Variants in STK40 observed in about 807,000 individuals in gnomAD.
STK40 encodes the protein serine/threonine-protein kinase 40.
Under a neutral mutation model 47.9 loss-of-function variants are expected in STK40, and 13 were observed. The ratio of observed to expected loss-of-function variants is 0.27; its 90% confidence interval spans 0.18 to 0.43. The LOEUF (loss-of-function observed/expected upper bound fraction) is 0.43, where lower values mean the gene tolerates loss of function less well. Among genes scored for constraint, STK40 ranks in the 20% least tolerant of loss-of-function variants. The pLI is 1.00. For synonymous variants in STK40, 225 were observed against 243.2 expected (o/e 0.93, Z 0.69); for missense variants, 460 against 595.1 (o/e 0.77, Z 2.36).
At chr1:36,382,335 A>G (rs1363651265) in intron 1 of STK40, among the ~76,000 whole-genome samples, 1 of 152,030 alleles carries the variant, frequency 6.6e-6, no homozygotes, top group Non-Finnish European at 1.5e-5. Flanking sequence ...GCGTATGACC[A>G]TGCCCAGCTA....
At position 36,354,305 on chromosome 1, in the gene STK40, A is replaced by G. The variant is rs2124733188; in HGVS notation, c.623+59T>C. The G allele has an allele frequency of 4.4e-6, 7 of 1,584,978 alleles. 1 individual carries two copies. Among genetic ancestry groups the G allele is most frequent in the East Asian group, 4.5e-5 (2 of 44,670 alleles). ...ACACTTCAGGGCACTGGAGAGTTGC[A>G]ATGTGTAGCCTGCCCCAGCCCCGGG... On this transcript the variant is annotated intron_variant, in intron 6 of 10. Transcript: ENST00000373132.
chr1:36,372,423 C>T lies in STK40; in HGVS notation c.-8-11083G>A, dbSNP rs78593922. Among the ~76,000 whole-genome samples, 43 of 39,604 alleles carry T rather than the reference C, an allele frequency of 1.1e-3. No individual in the cohort carries two copies. In the South Asian group the frequency reaches 0.037, roughly 34 times the overall value. The allele number at this position is 39,604 out of a possible 152,430, so 26.0% of individuals were successfully genotyped here. On this transcript the variant is annotated intron_variant, in intron 1 of 10. Coordinates refer to ENST00000373132, the MANE Select transcript of STK40 (RefSeq NM_001282547.2). ...TGGGGGACAGAGTGAGACCTTGTCT[C>T]AAAAAAAAAAAAAAAAAAAAAAAAA...
intron 1 of STK40, among the ~76,000 whole-genome samples, chr1:36,383,026 G>C (rs181024522): frequency 6.6e-6 from 1 of 152,074 alleles, no homozygotes; most frequent in Non-Finnish European, 1.5e-5. Flanking sequence ...TTGGTTCACC[G>C]CAACCTCCGC....
chr1:36,368,877 G>A (rs11588213), intron 1 of STK40, among the ~76,000 whole-genome samples: 29,552 of 152,196 alleles, frequency 0.19, 3,000 homozygotes, highest in Non-Finnish European at 0.23. Flanking sequence ...ACAGGAGAAT[G>A]CCCTTGTTCT....
rs1225249693 is a variant in STK40, at chr1:36,355,196, G to A, written c.570+10C>T. The A allele has an allele frequency of 3.7e-6, 6 of 1,612,558 alleles. No individual in the cohort carries two copies. In the African/African-American group the frequency reaches 4.0e-5, roughly 11 times the overall value. ...TGGCCAGAAGGCGCAGCAGCAGGGTGTGGCCTCACCTGGTGCAGGGCCTCC... is the reference window on the plus strand; with the variant it reads ...TGGCCAGAAGGCGCAGCAGCAGGGTATGGCCTCACCTGGTGCAGGGCCTCC... On this transcript the variant is annotated intron_variant, in intron 5 of 10. Transcript: ENST00000373132.
chr1:36,365,757 C>T (rs1646896518), intron 1 of STK40, among the ~76,000 whole-genome samples: 1 of 152,192 alleles, frequency 6.6e-6, no homozygotes, highest in African/African-American at 2.4e-5. Flanking sequence ...GTTAGTCTCA[C>T]TCATGGTGGT....
chr1:36,354,271 C>T, intron 6 of STK40, 93 bp downstream of exon 6: 1 of 1,404,264 alleles, frequency 7.1e-7, no homozygotes, highest in Non-Finnish European at 1.0e-6. Context: ...AGTCGGAATC[C>T]TCATGAGGAC....
chr1:36,348,153 A>G (rs902436547), intron 7 of STK40, among the ~76,000 whole-genome samples: 1 of 152,262 alleles, frequency 6.6e-6, no homozygotes, highest in African/African-American at 2.4e-5. Context: ...ACAAACTCAC[A>G]GCAGCACACT....
Position 36,343,869 on chromosome 1 carries a change from A to G in STK40, c.995T>C (p.Ile332Thr), listed in dbSNP as rs370782891. 1.3e-5 allele frequency: 20 copies of G among 1,594,802 alleles called. No individual in the cohort carries two copies. The highest frequency in any genetic ancestry group is 6.9e-5 in the Admixed American group (4 of 58,232). Residue 332 changes from isoleucine to threonine, a missense_variant, in exon 9 of 11, where the codon ATT (isoleucine) becomes ACT (threonine). Coordinates refer to ENST00000373132, the MANE Select transcript of STK40 (RefSeq NM_001282547.2). ...ADVLEALSAI[I>T]ASWQSLSSLS... ...GTGCCTGTCCACTTACCATGATGCA[A>G]TGATGGCACTGAGGGCCTCCAGGAC...
chr1:36,353,382 G>C (rs1209668934), intron 6 of STK40, among the ~76,000 whole-genome samples: 2 of 152,184 alleles, frequency 1.3e-5, no homozygotes, highest in Non-Finnish European at 2.9e-5. Flanking sequence ...TGAGACAGTG[G>C]TAGCACTGTC....
At chr1:36,368,616 T>G (rs1026834989) in intron 1 of STK40, among the ~76,000 whole-genome samples, 2 of 152,098 alleles carry the variant, frequency 1.3e-5, no homozygotes, top group African/African-American at 4.8e-5. Flanking sequence ...AAACCCAAAT[T>G]GAAGGACATT....
chr1:36,378,757 G>T (rs1296188801), intron 1 of STK40, among the ~76,000 whole-genome samples: 1 of 152,040 alleles, frequency 6.6e-6, no homozygotes, highest in African/African-American at 2.4e-5. Flanking sequence ...GTGCCAGCCG[G>T]GCCTCCTTTT....
At chr1:36,374,377 A>C (rs932353472) in intron 1 of STK40, among the ~76,000 whole-genome samples, 3 of 152,212 alleles carry the variant, frequency 2.0e-5, no homozygotes, top group African/African-American at 4.8e-5. Flanking sequence ...AGGTAGAGAG[A>C]AGCTTTCTCT....
chr1:36,343,867 C>G lies in STK40; in HGVS notation c.997G>C (p.Ala333Pro). ...DVLEALSAII[A>P]SWQSLSSLSG... ...AAGTGCCTGTCCACTTACCATGATG[C>G]AATGATGGCACTGAGGGCCTCCAGG... Residue 333 changes from alanine to proline, a missense_variant, in exon 9 of 11, where the codon GCA (alanine) becomes CCA (proline). This residue lies in a region of STK40 where 181 missense variants were observed against 218.9 expected (regional missense o/e 0.83). Transcript: ENST00000373132. 6.3e-7 allele frequency: 1 copy of G among 1,592,806 alleles called. No homozygotes were observed. Among genetic ancestry groups the G allele is most frequent in the South Asian group, 1.1e-5 (1 of 89,626 alleles).
Position 36,341,932 on chromosome 1 carries a change from G to A in STK40, c.1131C>T (p.Asn377=), listed in dbSNP as rs745399557. ...CCAGCAGCAGCTGCTGACGCATGTA[G>A]TTCTCAAACTCGTACTGGGAGCACT... ...TEECSQYEFE[N]YMRQQLLLAE... The change falls in exon 11 of 11, where the codon AAC becomes AAT. Residue 377 remains asparagine (N), a synonymous_variant. Transcript: ENST00000373132. The A allele has an allele frequency of 1.2e-6, 2 of 1,614,038 alleles. No homozygotes were observed. The highest frequency in any genetic ancestry group is 3.3e-5 in the Admixed American group (2 of 60,022).
chr1:36,342,019 G>A, intron 10 of STK40, 46 bp from the exon 11 acceptor site: 1 of 1,547,470 alleles, frequency 6.5e-7, no homozygotes, highest in Non-Finnish European at 8.8e-7. Flanking sequence ...AAACCCAGAT[G>A]AAGGCAGCGC....
At chr1:36,350,889 G>A (rs1022742475) in intron 6 of STK40, among the ~76,000 whole-genome samples, 4 of 152,220 alleles carry the variant, frequency 2.6e-5, no homozygotes, top group Non-Finnish European at 5.9e-5. Context: ...CTCTCCACAG[G>A]AAGTGGCACG....
Position 36,382,241 on chromosome 1 carries a change from G to A in STK40, c.-9+3482C>T, listed in dbSNP as rs150321398. On this transcript the variant is annotated intron_variant, in intron 1 of 10. Coordinates refer to ENST00000373132, the MANE Select transcript of STK40 (RefSeq NM_001282547.2). ...GTCACCTAAACTGGAATGCAGTGGT[G>A]CAATCTCGGCTCACTGCACCCTTGA... is the stretch of plus-strand genomic sequence containing the variant. Among the ~76,000 whole-genome samples, 763 of 152,030 alleles carry A rather than the reference G, an allele frequency of 5.0e-3. 11 individuals carry two copies. Among genetic ancestry groups the A allele is most frequent in the African/African-American group, 0.017 (710 of 41,450 alleles).
intron 4 of STK40, among the ~76,000 whole-genome samples, chr1:36,356,957 T>C (rs963582943): frequency 6.6e-6 from 1 of 152,224 alleles, no homozygotes; most frequent in Non-Finnish European, 1.5e-5. Flanking sequence ...TGGAGTTGCC[T>C]AAAAATACTC....
Sources: gnomAD v4.1 joint callset for allele counts (sites outside exome capture counted in the v4.1 genomes callset) on GRCh38, gnomAD v4.1.1 for gene constraint, gnomAD v4.1.1 regional missense constraint, MANE v1.5 for transcripts, NCBI Gene and HGNC (gene_info 2026-07-23, HGNC 2026-07-21) for gene names.